CFAP221: variants seen among roughly 807,000 people sequenced by gnomAD.
The protein encoded by CFAP221 is cilia- and flagella-associated protein 221.
Under a neutral mutation model 113.1 loss-of-function variants are expected in CFAP221, and 97 were observed. The ratio of observed to expected loss-of-function variants is 0.86; its 90% CI spans 0.73 to 1.02. CFAP221 has a LOEUF of 1.02. Among genes scored for constraint, CFAP221 ranks in the 50% least tolerant of loss-of-function variants. The pLI is 0.00. For missense variants in CFAP221, 1,025 were observed against 1,013.4 expected (o/e 1.01, Z -0.16); for synonymous variants, 331 against 354.4 (o/e 0.93, Z 0.74).
At position 119,614,286 on chromosome 2, in the gene CFAP221, C is replaced by T. The variant is rs543531590; in HGVS notation, c.1312-1325C>T. 6.6e-5 allele frequency among the ~76,000 whole-genome samples: 10 copies of T among 152,336 alleles called. No individual in the cohort carries two copies. The South Asian group carries it at 2.1e-3, about 32-fold the overall frequency. ...TGATCCCTGCAAACTGTTCCAATCT[C>T]TGCTTGTTACCCAGTTCCAAAGTTG... is the stretch of plus-strand genomic sequence containing the variant. On this transcript the variant is annotated intron_variant, in intron 13 of 23. Coordinates refer to ENST00000413369, the MANE Select transcript of CFAP221 (RefSeq NM_001271049.2).
At chr2:119,621,737 C>G (rs564235315) in intron 14 of CFAP221, among the ~76,000 whole-genome samples, 1 of 152,334 alleles carries the variant, frequency 6.6e-6, no homozygotes, top group East Asian at 1.9e-4. Context: ...AAGAAACTCA[C>G]TCAAAACCGC....
At chr2:119,601,878 A>G (rs1684390445) in intron 8 of CFAP221, among the ~76,000 whole-genome samples, 1 of 152,234 alleles carries the variant, frequency 6.6e-6, no homozygotes. Context: ...AAATGTCTGA[A>G]AAACAGAAAT....
At chr2:119,646,880 T>C (rs962231719) in intron 21 of CFAP221, 78 bp from the exon 22 acceptor site, 1 of 1,318,062 alleles carries the variant, frequency 7.6e-7, no homozygotes, top group African/African-American at 1.5e-5. Context: ...AAAATAAAAA[T>C]TCTTTAGAAA....
intron 3 of CFAP221, chr2:119,556,198 G>A (rs1478480347): frequency 1.3e-5 from 2 of 152,408 alleles, no homozygotes; most frequent in African/African-American, 4.8e-5. Context: ...CTGGGCTCAA[G>A]TGATCCTCCC....
chr2:119,621,469 A>AT (rs953962102), intron 14 of CFAP221, among the ~76,000 whole-genome samples: 2 of 152,178 alleles, frequency 1.3e-5, no homozygotes, highest in Non-Finnish European at 2.9e-5. Context: ...CACTTTCAAT[A>AT]TTAGAAAGAT....
chr2:119,650,096 G>A (rs114175917), intron 22 of CFAP221, among the ~76,000 whole-genome samples: 4,215 of 152,240 alleles, frequency 0.028, 72 homozygotes, highest in Non-Finnish European at 0.041. Context: ...TTACACATGA[G>A]ACTACAGCAT....
At chr2:119,644,793 C>T (rs1181345264) in intron 21 of CFAP221, among the ~76,000 whole-genome samples, 4 of 152,220 alleles carry the variant, frequency 2.6e-5, no homozygotes, top group African/African-American at 9.6e-5. Context: ...CCAATGCCTA[C>T]AGTTCCAGTC....
chr2:119,586,199 A>G (rs1683209874), intron 6 of CFAP221, among the ~76,000 whole-genome samples: 1 of 152,052 alleles, frequency 6.6e-6, no homozygotes. Flanking sequence ...AGGGGTGCAA[A>G]AATATCAGGA....
At chr2:119,597,351 G>A (rs554453744) in intron 7 of CFAP221, among the ~76,000 whole-genome samples, 14 of 152,282 alleles carry the variant, frequency 9.2e-5, no homozygotes, top group Admixed American at 8.5e-4. Context: ...AGCAGCAGAG[G>A]CTGGGGAGTG....
intron 22 of CFAP221, among the ~76,000 whole-genome samples, chr2:119,647,602 C>T (rs1182818795): frequency 2.0e-5 from 3 of 152,140 alleles, no homozygotes; most frequent in African/African-American, 7.2e-5. Context: ...CAGCATACAG[C>T]ATTCGTACGT....
rs1521914 is a variant in CFAP221, at chr2:119,605,321, T to A, written c.1133+32T>A. 1 allele frequency: 1,497,097 copies of A among 1,503,688 alleles called. 745,492 individuals are homozygous for A. The highest frequency in any genetic ancestry group is 1 in the East Asian group (44,268 of 44,268). 93.1% of individuals were successfully genotyped at this position (1,503,688 alleles called of 1,614,324 possible). ...ATTGAGCAATTGTTTGTATCAAGTG[T>A]CAGTACAGTTATTTTTAGGTGATGA... is the stretch of plus-strand genomic sequence containing the variant. On this transcript the variant is annotated intron_variant, in intron 11 of 23. Transcript: ENST00000413369.
intron 7 of CFAP221, among the ~76,000 whole-genome samples, chr2:119,600,160 GTAAA>G (rs1423017624): frequency 6.6e-6 from 1 of 152,138 alleles, no homozygotes; most frequent in Non-Finnish European, 1.5e-5. Flanking sequence ...ACAGCAATAA[GTAAA>G]TAAATAAATA....
chr2:119,580,480 G>A (rs1326287368), intron 6 of CFAP221: 2 of 152,190 alleles, frequency 1.3e-5, no homozygotes, highest in Non-Finnish European at 2.9e-5. Flanking sequence ...TTAAAAACAA[G>A]TACCAGTGCA....
rs1574174358 is a variant in CFAP221 at position 119,627,549 on chromosome 2, A to C, written c.1517-104A>C. 1.9e-5 allele frequency: 19 copies of C among 979,922 alleles called. No homozygotes were observed. In the East Asian group the frequency reaches 4.1e-4, roughly 21 times the overall value. 60.7% of individuals were successfully genotyped at this position (979,922 alleles called of 1,614,324 possible). A position where few individuals can be genotyped will look rare whatever the true frequency, so the allele number is the denominator to read the frequency against. ...TATATATATATATATATATATACAC[A>C]CCCACCCACTAATTGGTATATGGAA... is the stretch of plus-strand genomic sequence containing the variant. On this transcript the variant is annotated intron_variant, in intron 15 of 23. Transcript: ENST00000413369.
intron 20 of CFAP221, among the ~76,000 whole-genome samples, chr2:119,639,496 T>C (rs775073282): frequency 3.3e-5 from 5 of 152,226 alleles, no homozygotes; most frequent in Non-Finnish European, 7.3e-5. Context: ...ACAAAATAGA[T>C]TCTAAGGCCG....
chr2:119,607,836 G>A (rs959060318), intron 11 of CFAP221, among the ~76,000 whole-genome samples: 1 of 152,170 alleles, frequency 6.6e-6, no homozygotes, highest in Non-Finnish European at 1.5e-5. Flanking sequence ...ACATGTGTTA[G>A]TACTGCATTC....
intron 3 of CFAP221, among the ~76,000 whole-genome samples, chr2:119,550,730 C>T (rs746942701): frequency 1.3e-5 from 2 of 152,118 alleles, no homozygotes; most frequent in Non-Finnish European, 2.9e-5. Context: ...TCTTTTCTTA[C>T]TGCTTTATTG....
intron 6 of CFAP221, chr2:119,572,863 C>T: frequency 2.7e-6 from 1 of 364,392 alleles, no homozygotes. Flanking sequence ...GCCACATTAA[C>T]AACATTCACA....
At chr2:119,598,523 C>A (rs529326028) in intron 7 of CFAP221, among the ~76,000 whole-genome samples, 1 of 152,298 alleles carries the variant, frequency 6.6e-6, no homozygotes, top group South Asian at 2.1e-4. Context: ...TTCCACATTA[C>A]CCCTGGTTAT....
Sources: allele counts gnomAD v4.1 joint callset (sites outside exome capture counted in the v4.1 genomes callset), GRCh38; gene constraint gnomAD v4.1.1; transcripts MANE v1.5; gene names NCBI Gene and HGNC (gene_info 2026-07-23, HGNC 2026-07-21).